The following MKNK1 variants were observed in gnomAD, a reference collection of about 807,000 sequenced individuals.
MKNK1 encodes the protein MAP kinase-interacting serine/threonine-protein kinase 1.
Under a neutral mutation model 49.3 loss-of-function variants are expected in MKNK1, and 30 were observed. The ratio of observed to expected loss-of-function variants is 0.61; its 90% CI spans 0.46 to 0.83. MKNK1 has a LOEUF of 0.83. Ranked by LOEUF, MKNK1 falls within the 40% of genes least tolerant of loss-of-function variation. The probability of loss-of-function intolerance (pLI) is 0.00; values close to 1 mark genes in which losing one functional copy is unlikely to be tolerated. For synonymous variants in MKNK1, 176 were observed against 201.7 expected, an observed-to-expected ratio of 0.87 and a Z score of 1.08; for missense variants, 423 against 524.7, an observed-to-expected ratio of 0.81 and a Z score of 1.89.
Position 46,589,759 on chromosome 1 carries a change from C to T in MKNK1, c.-3+4354G>A, listed in dbSNP as rs1046919004. 1.3e-5 allele frequency among the ~76,000 whole-genome samples: 2 copies of T among 152,128 alleles called. No individual in the cohort carries two copies. The highest frequency in any genetic ancestry group is 4.8e-5 in the African/African-American group (2 of 41,434). On this transcript the variant is annotated intron_variant, in intron 2 of 12. Transcript: ENST00000371945. The surrounding 1 kb of genome is among the most constrained non-coding windows in gnomAD (Gnocchi z 4.3). ...GATTCCTGACATGCAAGCATCCATC[C>T]ACCATTCTGCTCCAGAAAGTGACCT...
At chr1:46,567,251 C>G (rs1169741602) in intron 8 of MKNK1, among the ~76,000 whole-genome samples, 5 of 152,174 alleles carry the variant, frequency 3.3e-5, no homozygotes, top group Non-Finnish European at 7.3e-5. Flanking sequence ...CCAATTATTC[C>G]TCTCTTTCGC....
chr1:46,560,492 C>A (rs915059840), intron 11 of MKNK1, among the ~76,000 whole-genome samples: 4 of 152,158 alleles, frequency 2.6e-5, no homozygotes, highest in Non-Finnish European at 4.4e-5. Context: ...GCATGGAGAG[C>A]CCCTCTTTCC....
chr1:46,574,110 C>T (rs1181970425), intron 6 of MKNK1: 2 of 152,222 alleles, frequency 1.3e-5, no homozygotes, highest in African/African-American at 4.8e-5. Flanking sequence ...TTATTGGGCC[C>T]TTAGTGCCTA....
chr1:46,584,876 G>A (rs555588789), intron 2 of MKNK1: 1 of 152,230 alleles, frequency 6.6e-6, no homozygotes, highest in Non-Finnish European at 1.5e-5. Context: ...GAAATCCACA[G>A]AGCATCTCAA....
chr1:46,569,789 G>C (rs570248402), intron 7 of MKNK1: 1 of 152,380 alleles, frequency 6.6e-6, no homozygotes, highest in South Asian at 2.1e-4. Context: ...TGCACTAAAA[G>C]TGGAAGATAT....
At chr1:46,568,214 T>C in intron 8 of MKNK1, 1 of 513,416 alleles carries the variant, frequency 1.9e-6, no homozygotes, top group Non-Finnish European at 3.5e-6. Context: ...AGGTCTCATA[T>C]ATTTTCCAAA....
Position 46,594,980 on chromosome 1 carries a change from C to T in MKNK1, c.-170-700G>A, listed in dbSNP as rs79026513. On this transcript the variant is annotated intron_variant, in intron 1 of 12. Transcript: ENST00000371945. Reference sequence around the variant, plus strand: ...CCAACCTGGGTGACAGAGCGAGGCACTCCTCTGCTATCCACGTTTTTAGAG... The same window carrying T: ...CCAACCTGGGTGACAGAGCGAGGCATTCCTCTGCTATCCACGTTTTTAGAG... 90 of 231,404 alleles carry T rather than the reference C, an allele frequency of 3.9e-4. 3 individuals carry two copies. The East Asian group carries it at 9.7e-3, about 25-fold the overall frequency. The allele number at this position is 231,404 out of a possible 1,614,324, so 14.3% of individuals were successfully genotyped here.
chr1:46,602,250 A>G (rs1465443697), intron 1 of MKNK1, among the ~76,000 whole-genome samples: 1 of 152,176 alleles, frequency 6.6e-6, no homozygotes, highest in African/African-American at 2.4e-5. Context: ...CGTCTCTACT[A>G]AAAATACAAA....
At chr1:46,579,876 T>C (rs1482939650) in intron 4 of MKNK1, among the ~76,000 whole-genome samples, 1 of 144,684 alleles carries the variant, frequency 6.9e-6, no homozygotes, top group Non-Finnish European at 1.5e-5. Context: ...TTTAGTTTTG[T>C]TTTCTTCTTT....
In MKNK1 at chr1:46,574,978, C is replaced by T; in HGVS notation, c.321G>A (p.Arg107=). 6.2e-7 allele frequency: 1 copy of T among 1,613,480 alleles called. No homozygotes were observed. The highest frequency in any genetic ancestry group is 8.5e-7 in the Non-Finnish European group (1 of 1,179,680). The change falls in exon 6 of 13, where the codon AGG becomes AGA. Residue 107 remains arginine, a synonymous_variant. Coordinates refer to ENST00000371945, the MANE Select transcript of MKNK1 (RefSeq NM_001135553.4). ...ELIEFFEDDT[R]FYLVFEKLQG... ...GCAATTTCTCAAAGACCAAGTAAAA[C>T]CTTGTGTCATCTTCAAAGAACTCAA...
chr1:46,572,730 A>G (rs889359074), intron 6 of MKNK1, among the ~76,000 whole-genome samples: 1 of 152,150 alleles, frequency 6.6e-6, no homozygotes, highest in Admixed American at 6.5e-5. Flanking sequence ...ACAACTATAA[A>G]TAGGGCCAAA....
Position 46,572,185 on chromosome 1 carries a change from C to T in MKNK1, c.353-18G>A, listed in dbSNP as rs1176135319. ...GATGGAACCTGGGGAGCAGAGGGGA[C>T]ATAGAAGAATGCCTTTTTGGGCTCT... On this transcript the variant is annotated intron_variant, in intron 6 of 12. Transcript: ENST00000371945. 6.2e-7 allele frequency: 1 copy of T among 1,606,872 alleles called. No homozygotes were observed. The highest frequency in any genetic ancestry group is 2.2e-5 in the East Asian group (1 of 44,816).
chr1:46,571,932 C>T, intron 7 of MKNK1, 131 bp downstream of exon 7: 1 of 747,750 alleles, frequency 1.3e-6, no homozygotes, highest in Admixed American at 2.3e-5. Flanking sequence ...CATGGGTGAG[C>T]ATGTTCACAC....
chr1:46,573,329 T>C lies in MKNK1; in HGVS notation c.353-1162A>G, dbSNP rs558997655. Among the ~76,000 whole-genome samples the C allele has an allele frequency of 3.3e-5, 5 of 152,330 alleles. No individual in the cohort carries two copies. The South Asian group carries it at 8.3e-4, about 25-fold the overall frequency. On this transcript the variant is annotated intron_variant, in intron 6 of 12. Coordinates refer to ENST00000371945, the MANE Select transcript of MKNK1 (RefSeq NM_001135553.4). ...CAATAAGCTACATTAAGTTTACTGA[T>C]ATGGCGACAGAGGATCCCATCTGCA...
At chr1:46,600,705 C>T (rs1412117852) in intron 1 of MKNK1, among the ~76,000 whole-genome samples, 1 of 152,196 alleles carries the variant, frequency 6.6e-6, no homozygotes, top group Admixed American at 6.5e-5. Flanking sequence ...ACACTAAAAC[C>T]CAGAGTTGTG....
rs1383179905 is a variant in MKNK1, at chr1:46,558,525, G to C, written c.*50C>G. On this transcript the variant is annotated 3_prime_UTR_variant, in exon 13 of 13. Coordinates refer to ENST00000371945, the MANE Select transcript of MKNK1 (RefSeq NM_001135553.4). Reference sequence around the variant, plus strand: ...AGACTTTAGCCACACAGGTTTCCAGGGGACAATGCCTGGCCAGGCCTAGGG... The same window carrying C: ...AGACTTTAGCCACACAGGTTTCCAGCGGACAATGCCTGGCCAGGCCTAGGG... The C allele has an allele frequency of 4.6e-6, 7 of 1,510,638 alleles. No individual in the cohort carries two copies. Among genetic ancestry groups the C allele is most frequent in the African/African-American group, 4.2e-5 (3 of 71,794 alleles). The allele number at this position is 1,510,638 out of a possible 1,614,324, so 93.6% of individuals were successfully genotyped here. A position where few individuals can be genotyped will look rare whatever the true frequency, so the allele number is the denominator to read the frequency against.
chr1:46,559,240 T>G (rs1667505219), intron 12 of MKNK1, among the ~76,000 whole-genome samples: 1 of 152,242 alleles, frequency 6.6e-6, no homozygotes, highest in African/African-American at 2.4e-5. Flanking sequence ...ACTTTGGGTT[T>G]GCAGAATAAA....
At chr1:46,581,182 C>T (rs1054768731) in intron 3 of MKNK1, among the ~76,000 whole-genome samples, 3 of 151,178 alleles carry the variant, frequency 2.0e-5, no homozygotes, top group Admixed American at 2.0e-4. Flanking sequence ...GGACAAAGTA[C>T]AGTTAAAAAA....
rs564635920 is a variant in MKNK1, at chr1:46,568,487, G to T, written c.469C>A (p.Arg157Ser). 1.2e-6 allele frequency: 2 copies of T among 1,613,870 alleles called. No individual in the cohort carries two copies. The highest frequency in any genetic ancestry group is 1.3e-5 in the African/African-American group (1 of 74,882). ...DFLHTKGIAH[R>S]DLKPENILCE... ...AATATATTTTCTGGTTTCAGATCAC[G>T]ATGAGCAATGCCTGACATGACAAAG... is the stretch of plus-strand genomic sequence containing the variant. Residue 157 changes from arginine (R) to serine (S), a missense_variant, in exon 8 of 13, where the codon CGT (arginine) becomes AGT (serine). Coordinates refer to ENST00000371945, the MANE Select transcript of MKNK1 (RefSeq NM_001135553.4).
Sources: allele counts gnomAD v4.1 joint callset (sites outside exome capture counted in the v4.1 genomes callset), GRCh38; gene constraint gnomAD v4.1.1; non-coding constraint Gnocchi (gnomAD v3.1); transcripts MANE v1.5; gene names NCBI Gene and HGNC (gene_info 2026-07-23, HGNC 2026-07-21).